Variants in SLC4A8 observed in about 807,000 individuals in gnomAD.
SLC4A8 encodes solute carrier family 4 member 8, also known as electroneutral sodium bicarbonate exchanger 1.
SLC4A8 carries 40 observed loss-of-function variants against 125.0 expected under a neutral mutation model. That is an observed-to-expected ratio of 0.32 (90% CI 0.25 to 0.42). The LOEUF (loss-of-function observed/expected upper bound fraction) is 0.42. SLC4A8 is among the 10% of genes least tolerant of loss of function. The probability of loss-of-function intolerance (pLI) is 1.00; values close to 1 mark genes in which losing one functional copy is unlikely to be tolerated. For missense variants in SLC4A8, 863 were observed against 1,355.1 expected, an observed-to-expected ratio of 0.64 and a Z score of 5.70; for synonymous variants, 456 against 476.0, an observed-to-expected ratio of 0.96 and a Z score of 0.55.
At chr12:51,479,969 ATTTTTTT>A in intron 16 of SLC4A8, 4 of 301,930 alleles carry the variant, frequency 1.3e-5, no homozygotes, top group South Asian at 2.5e-5. Flanking sequence ...TATAAATGGA[ATTTTTTT>A]TTTTTTTTTT....
At chr12:51,437,786 T>G (rs1470319633) in intron 1 of SLC4A8, among the ~76,000 whole-genome samples, 1 of 152,170 alleles carries the variant, frequency 6.6e-6, no homozygotes, top group East Asian at 1.9e-4. Context: ...GATGACTAGA[T>G]GACCTGACAA....
rs774806593 is a variant in SLC4A8, at chr12:51,475,224, G to T, written c.2172+18G>T. On this transcript the variant is annotated intron_variant, in intron 16 of 24. Coordinates refer to ENST00000453097, the MANE Select transcript of SLC4A8 (RefSeq NM_001039960.3). The stretch of plus-strand genomic sequence containing the variant: ...CAACCAGAGTAGGTAGCATGTTCAT[G>T]CATTTCTTTCACGTTAGAATCAAAT... 6.2e-7 allele frequency: 1 copy of T among 1,612,136 alleles called. No homozygotes were observed. The highest frequency in any genetic ancestry group is 8.5e-7 in the Non-Finnish European group (1 of 1,178,362).
Position 51,474,949 on chromosome 12 carries a change from C to A in SLC4A8, c.2011-96C>A. 3 of 1,169,518 alleles carry A rather than the reference C, an allele frequency of 2.6e-6. No homozygotes were observed. The South Asian group carries it at 4.4e-5, about 17-fold the overall frequency. The allele number at this position is 1,169,518 out of a possible 1,614,324, so 72.4% of individuals were successfully genotyped here. A position where few individuals can be genotyped will look rare whatever the true frequency, so the allele number is the denominator to read the frequency against. On this transcript the variant is annotated intron_variant, in intron 15 of 24. Transcript: ENST00000453097. The stretch of plus-strand genomic sequence containing the variant: ...TGCTGCTTGCAGCCTCTGCTCCCAA[C>A]AACCATGGGATGACAATGAGTGGTG...
intron 3 of SLC4A8, 109 bp from the exon 4 acceptor site, chr12:51,452,015 C>A: frequency 2.0e-6 from 2 of 989,868 alleles, no homozygotes; most frequent in South Asian, 1.9e-5. Flanking sequence ...TTTTCTTCTG[C>A]ATTCGTGGTT....
chr12:51,490,433 C>G (rs10876186), intron 19 of SLC4A8, among the ~76,000 whole-genome samples: 73,065 of 151,500 alleles, frequency 0.48, 17,948 homozygotes, highest in Non-Finnish European at 0.53. Flanking sequence ...GTGGCAGGTG[C>G]CTGTAGTCCC....
At chr12:51,462,228 AT>A (rs1229152993) in intron 9 of SLC4A8, 81 bp from the exon 10 acceptor site, 35 of 1,277,404 alleles carry the variant, frequency 2.7e-5, no homozygotes, top group Non-Finnish European at 3.2e-5. Context: ...AACAGGTTGT[AT>A]TCATTTTTCA....
At chr12:51,427,229 T>C (rs1178810783) in intron 1 of SLC4A8, among the ~76,000 whole-genome samples, 8 of 152,096 alleles carry the variant, frequency 5.3e-5, no homozygotes, top group Admixed American at 5.2e-4. Flanking sequence ...TGAGCCACCG[T>C]GCCCGGCCCA....
At position 51,469,669 on chromosome 12, in the gene SLC4A8, G is replaced by A. The variant is rs746066713; in HGVS notation, c.1405G>A (p.Asp469Asn). The change falls in exon 12 of 25, where the codon GAC (aspartate) becomes AAC (asparagine). Residue 469 changes from aspartate (D) to asparagine (N), a missense_variant. Around this residue, in one of 6 missense-constraint regions of SLC4A8, gnomAD observed 390 missense variants for 634.4 expected, o/e 0.61. Transcript: ENST00000453097. ...GCGGAAGGCCCCCTGGTACTGGAGC[G>A]ACTACCGAGATGCACTCAGCTTACA... ...IKRKAPWYWS[D>N]YRDALSLQCL... The A allele has an allele frequency of 3.1e-6, 5 of 1,613,772 alleles. No homozygotes were observed. The highest frequency in any genetic ancestry group is 2.7e-5 in the African/African-American group (2 of 74,828).
At chr12:51,506,663 G>A (rs1938186018) in intron 24 of SLC4A8, among the ~76,000 whole-genome samples, 1 of 152,146 alleles carries the variant, frequency 6.6e-6, no homozygotes, top group African/African-American at 2.4e-5. Flanking sequence ...GGAACTCCTG[G>A]ACTCAAGGGA....
intron 23 of SLC4A8, among the ~76,000 whole-genome samples, chr12:51,504,768 C>G (rs1161785200): frequency 6.6e-6 from 1 of 152,178 alleles, no homozygotes; most frequent in Non-Finnish European, 1.5e-5. Flanking sequence ...CATGAAAATT[C>G]CTTACTTCTG....
At position 51,426,948 on chromosome 12, in the gene SLC4A8, T is replaced by A. The variant is rs1409711933; in HGVS notation, c.48+1913T>A. Among the ~76,000 whole-genome samples the A allele has an allele frequency of 2.0e-5, 3 of 148,986 alleles. No individual in the cohort carries two copies. In the East Asian group the frequency reaches 5.9e-4, roughly 29 times the overall value. On this transcript the variant is annotated intron_variant, in intron 1 of 24. Coordinates refer to ENST00000453097, the MANE Select transcript of SLC4A8 (RefSeq NM_001039960.3). ...TTCTTTTTTTTTTCTTTTCTTTTTT[T>A]TTTTTTTTGAGATGGAGTCTTGCTC...
intron 1 of SLC4A8, among the ~76,000 whole-genome samples, chr12:51,392,329 T>A (rs1948139143): frequency 6.6e-6 from 1 of 151,978 alleles, no homozygotes; most frequent in East Asian, 1.9e-4. Flanking sequence ...ATCCCAGTAC[T>A]TTGGGAGGCC....
intron 6 of SLC4A8, among the ~76,000 whole-genome samples, chr12:51,458,045 C>T (rs1950210359): frequency 1.3e-5 from 2 of 152,156 alleles, no homozygotes; most frequent in Non-Finnish European, 1.5e-5. Flanking sequence ...ACCTACTCCA[C>T]CTACTCCATT....
chr12:51,414,534 T>G (rs996298099), intron 1 of SLC4A8, among the ~76,000 whole-genome samples: 1 of 152,158 alleles, frequency 6.6e-6, no homozygotes, highest in Non-Finnish European at 1.5e-5. Context: ...GAGGATCACT[T>G]GAGCCCAGGA....
At chr12:51,482,005 T>C (rs1951044652) in intron 16 of SLC4A8, among the ~76,000 whole-genome samples, 1 of 152,098 alleles carries the variant, frequency 6.6e-6, no homozygotes, top group Non-Finnish European at 1.5e-5. Flanking sequence ...AGTTGGTATA[T>C]AAGATGACCT....
chr12:51,493,701 C>A lies in SLC4A8; in HGVS notation c.2701-3C>A. 1 of 1,599,620 alleles carries A rather than the reference C, an allele frequency of 6.3e-7. No individual in the cohort carries two copies. Among genetic ancestry groups the A allele is most frequent in the Non-Finnish European group, 8.6e-7 (1 of 1,166,924 alleles). On this transcript the variant is annotated splice_polypyrimidine_tract_variant and splice_region_variant and intron_variant, in intron 19 of 24. Coordinates refer to ENST00000453097, the MANE Select transcript of SLC4A8 (RefSeq NM_001039960.3). ...CTGGCCTTTCTTGTCCTTTTGTCTTCAGTTTATTCCAATGCCAGTACTCTA... is the reference window on the plus strand; with the variant it reads ...CTGGCCTTTCTTGTCCTTTTGTCTTAAGTTTATTCCAATGCCAGTACTCTA...
chr12:51,479,927 A>G (rs2138355306), intron 16 of SLC4A8: 1 of 399,826 alleles, frequency 2.5e-6, no homozygotes. Flanking sequence ...GTCTCACGAA[A>G]CAGAGGGCTG....
chr12:51,424,110 TGAG>T (rs1219802469), upstream of SLC4A8, among the ~76,000 whole-genome samples: 2 of 151,062 alleles, frequency 1.3e-5, no homozygotes, highest in Admixed American at 1.3e-4. Flanking sequence ...TTCTTTTTCT[TGAG>T]GAGAGAGGGT....
At chr12:51,490,790 G>C (rs1951293748) in intron 19 of SLC4A8, among the ~76,000 whole-genome samples, 1 of 152,090 alleles carries the variant, frequency 6.6e-6, no homozygotes, top group South Asian at 2.1e-4. Flanking sequence ...GGGCCTTGTC[G>C]ACAGTGGGCA....
Sources: gnomAD v4.1 joint callset for allele counts (sites outside exome capture counted in the v4.1 genomes callset) on GRCh38, gnomAD v4.1.1 for gene constraint, gnomAD v4.1.1 regional missense constraint, MANE v1.5 for transcripts, NCBI Gene and HGNC (gene_info 2026-07-23, HGNC 2026-07-21) for gene names.